Variants in CLASP2 observed in about 807,000 individuals in gnomAD.
CLASP2 encodes CLIP-associating protein 2.
CLASP2 carries 47 observed loss-of-function variants against 194.4 expected under a neutral mutation model. The observed-to-expected ratio is 0.24, with a 90% CI of 0.19 to 0.31. The LOEUF (loss-of-function observed/expected upper bound fraction) is 0.31. Among genes scored for constraint, CLASP2 ranks in the 10% least tolerant of loss-of-function variants. CLASP2 has a pLI of 1.00. For missense variants in CLASP2, 1,445 were observed against 1,823.6 expected (o/e 0.79, Z 3.78); for synonymous variants, 619 against 633.5 (o/e 0.98, Z 0.34).
Position 33,498,666 on chromosome 3 carries a change from C to T in CLASP2, c.4486G>A (p.Ala1496Thr). Residue 1496 changes from alanine to threonine, a missense_variant, in exon 39 of 39, where the codon GCT becomes ACT. Coordinates refer to ENST00000682230, the MANE Select transcript of CLASP2 (RefSeq NM_001365631.1). The part of the protein sequence containing the change: ...IKRAQTGSGG[A>T]DPTTDVSGQS ...CCAGAAACATCAGTAGTGGGATCAG[C>T]TCCTCCAGAACCTGTTTGTGCACGT... The T allele has an allele frequency of 6.2e-7, 1 of 1,613,494 alleles. No individual in the cohort carries two copies. The highest frequency in any genetic ancestry group is 1.3e-5 in the African/African-American group (1 of 75,030).
chr3:33,691,987 T>C (rs917220188), intron 2 of CLASP2, among the ~76,000 whole-genome samples: 1 of 152,066 alleles, frequency 6.6e-6, no homozygotes, highest in African/African-American at 2.4e-5. Flanking sequence ...CTGGCCAAAA[T>C]GACAAAATCC....
intron 1 of CLASP2, among the ~76,000 whole-genome samples, chr3:33,700,759 A>G (rs2154352866): frequency 6.6e-6 from 1 of 152,292 alleles, no homozygotes. Context: ...CCGAGGCAGG[A>G]GAATCATTTG....
chr3:33,626,749 C>T (rs1391456862), intron 10 of CLASP2, among the ~76,000 whole-genome samples: 3 of 152,118 alleles, frequency 2.0e-5, no homozygotes, highest in African/African-American at 4.8e-5. Context: ...AAACAGCACA[C>T]GTGGTGAGGC....
At chr3:33,519,890 G>A (rs978502987) in intron 34 of CLASP2, among the ~76,000 whole-genome samples, 1 of 152,122 alleles carries the variant, frequency 6.6e-6, no homozygotes, top group Non-Finnish European at 1.5e-5. Flanking sequence ...TTCCAAAAAC[G>A]TCTTCCTTTA....
At chr3:33,605,766 C>G (rs868399253) in intron 16 of CLASP2, among the ~76,000 whole-genome samples, 3 of 152,174 alleles carry the variant, frequency 2.0e-5, no homozygotes, top group South Asian at 2.1e-4. Flanking sequence ...TTACAGGCAC[C>G]CGCCACCATG....
chr3:33,555,661 C>A (rs992639503), intron 29 of CLASP2, among the ~76,000 whole-genome samples: 2 of 152,190 alleles, frequency 1.3e-5, no homozygotes, highest in Middle Eastern at 3.2e-3. Context: ...AGCCACCATT[C>A]CCTGGCCAAT....
At chr3:33,697,091 C>T (rs561396790) in intron 1 of CLASP2, among the ~76,000 whole-genome samples, 158 bp from the exon 2 acceptor site, 7 of 151,880 alleles carry the variant, frequency 4.6e-5, no homozygotes, top group African/African-American at 1.7e-4. Context: ...GGTTAAGCAC[C>T]CTAATCTCAA....
In CLASP2 at chr3:33,543,529, C is replaced by T; in HGVS notation, c.3308G>A (p.Gly1103Glu). Residue 1103 changes from glycine to glutamate, a missense_variant, in exon 32 of 39, where the codon GGG becomes GAG. Around this residue, in one of 4 missense-constraint regions of CLASP2, gnomAD observed 732 missense variants for 987.9 expected, o/e 0.74. Transcript: ENST00000682230. ...NTGNGTQSSM[G>E]SPLTRPTPRS... ...TGGTGTTGGTCTTGTCAAAGGACTCCCCATGGAACTCTGATGAAGGGAGTC... is the reference window on the plus strand; with the variant it reads ...TGGTGTTGGTCTTGTCAAAGGACTCTCCATGGAACTCTGATGAAGGGAGTC... 1.2e-6 allele frequency: 2 copies of T among 1,607,216 alleles called. No homozygotes were observed. Among genetic ancestry groups the T allele is most frequent in the South Asian group, 2.2e-5 (2 of 90,910 alleles).
chr3:33,552,427 G>A (rs1001919270), intron 29 of CLASP2, among the ~76,000 whole-genome samples: 14 of 151,998 alleles, frequency 9.2e-5, no homozygotes, highest in African/African-American at 3.4e-4. Context: ...TATTCTCCCA[G>A]TAATTCTTGA....
intron 1 of CLASP2, among the ~76,000 whole-genome samples, chr3:33,709,141 C>T: frequency 6.6e-6 from 1 of 152,048 alleles, no homozygotes; most frequent in East Asian, 1.9e-4. Flanking sequence ...GCTTTTGTTG[C>T]CTGTATTTTC....
At chr3:33,663,131 G>C (rs2085555590) in intron 7 of CLASP2, among the ~76,000 whole-genome samples, 1 of 142,864 alleles carries the variant, frequency 7.0e-6, no homozygotes, top group African/African-American at 2.6e-5. Context: ...TGTATGCATG[G>C]AAAATGGAGG....
At chr3:33,623,707 G>A (rs1376130821) in intron 10 of CLASP2, among the ~76,000 whole-genome samples, 1 of 151,990 alleles carries the variant, frequency 6.6e-6, no homozygotes, top group Non-Finnish European at 1.5e-5. Flanking sequence ...CCATCTCCTG[G>A]ATTTTTGTGA....
intron 15 of CLASP2, 96 bp from the exon 16 acceptor site, chr3:33,606,854 C>G (rs2073963339): frequency 5.7e-6 from 5 of 878,318 alleles, no homozygotes; most frequent in Non-Finnish European, 6.9e-6. Context: ...GATAAGCCCA[C>G]TGGTTTTCAG....
chr3:33,624,561 C>G (rs1305560156), intron 10 of CLASP2, among the ~76,000 whole-genome samples: 1 of 152,114 alleles, frequency 6.6e-6, no homozygotes, highest in Non-Finnish European at 1.5e-5. Flanking sequence ...CCTGAAACCT[C>G]AGATAGTACT....
chr3:33,633,893 T>C (rs570484285), intron 8 of CLASP2, among the ~76,000 whole-genome samples: 4 of 152,324 alleles, frequency 2.6e-5, no homozygotes, highest in African/African-American at 9.6e-5. Flanking sequence ...AGTATGAGAA[T>C]ATCTAACTAA....
At chr3:33,505,109 TG>T (rs1352554160) in intron 37 of CLASP2, 9 of 152,308 alleles carry the variant, frequency 5.9e-5, no homozygotes, top group Middle Eastern at 3.4e-3. Flanking sequence ...CAGGTGGCTA[TG>T]GGTAGTATGT....
At chr3:33,560,070 T>A (rs1233115387) in intron 28 of CLASP2, among the ~76,000 whole-genome samples, 1 of 150,678 alleles carries the variant, frequency 6.6e-6, no homozygotes, top group African/African-American at 2.4e-5. Flanking sequence ...AATAAGTGAC[T>A]TCAACAATCT....
At chr3:33,567,038 T>C (rs1348553908) in intron 26 of CLASP2, among the ~76,000 whole-genome samples, 1 of 152,096 alleles carries the variant, frequency 6.6e-6, no homozygotes, top group Non-Finnish European at 1.5e-5. Context: ...ATCCTTGAGG[T>C]TAAACATCTG....
At chr3:33,641,453 T>C (rs2081268381) in intron 8 of CLASP2, among the ~76,000 whole-genome samples, 1 of 152,010 alleles carries the variant, frequency 6.6e-6, no homozygotes, top group Non-Finnish European at 1.5e-5. Context: ...TTTATAGCAA[T>C]GATACATATA....
Sources: allele counts gnomAD v4.1 joint callset (sites outside exome capture counted in the v4.1 genomes callset), GRCh38; gene constraint gnomAD v4.1.1; regional missense constraint gnomAD v4.1.1; transcripts MANE v1.5; gene names NCBI Gene and HGNC (gene_info 2026-07-23, HGNC 2026-07-21).